FSTL5: variants seen among roughly 807,000 people sequenced by gnomAD.
FSTL5 encodes the protein follistatin like 5, also known as follistatin-related protein 5.
A neutral mutation model predicts 89.1 loss-of-function variants in FSTL5; 62 were observed. That is an observed-to-expected ratio of 0.70 (90% CI 0.57 to 0.86). FSTL5 has a LOEUF of 0.86. Ranked by LOEUF, FSTL5 falls within the 40% of genes least tolerant of loss-of-function variation. FSTL5 has a pLI of 0.00. For synonymous variants in FSTL5, 383 were observed against 346.2 expected, an observed-to-expected ratio of 1.11 and a Z score of -1.18; for missense variants, 1,057 against 1,001.6, an observed-to-expected ratio of 1.06 and a Z score of -0.75.
At chr4:161,622,814 T>C (rs569460583) in intron 7 of FSTL5, among the ~76,000 whole-genome samples, 26 of 152,226 alleles carry the variant, frequency 1.7e-4, no homozygotes, top group African/African-American at 6.0e-4. Flanking sequence ...TCCACATTAC[T>C]TAAACCTGAG....
At chr4:161,525,585 AT>A (rs1553994471) in intron 10 of FSTL5, among the ~76,000 whole-genome samples, 4 of 152,134 alleles carry the variant, frequency 2.6e-5, no homozygotes, top group African/African-American at 9.7e-5. Flanking sequence ...TTAAAAAAAA[AT>A]TTTTTTAAAA....
At chr4:161,475,996 G>GC (rs1244375846) in intron 13 of FSTL5, among the ~76,000 whole-genome samples, 1 of 151,726 alleles carries the variant, frequency 6.6e-6, no homozygotes, top group Non-Finnish European at 1.5e-5. Flanking sequence ...CTCGTGATCC[G>GC]CCCGCCTGGG....
chr4:161,968,810 C>CAA (rs1735397319), intron 3 of FSTL5, among the ~76,000 whole-genome samples: 1 of 152,018 alleles, frequency 6.6e-6, no homozygotes, highest in Non-Finnish European at 1.5e-5. Context: ...CAAATATGGT[C>CAA]ACTTTAGCCT....
At chr4:162,058,941 T>C (rs955292034) in intron 2 of FSTL5, among the ~76,000 whole-genome samples, 5 of 152,202 alleles carry the variant, frequency 3.3e-5, no homozygotes, top group Admixed American at 2.0e-4. Context: ...CATAATTGTA[T>C]TGAAAATGTG....
At chr4:161,689,130 T>C (rs140807606) in intron 6 of FSTL5, among the ~76,000 whole-genome samples, 39 of 152,062 alleles carry the variant, frequency 2.6e-4, no homozygotes, top group African/African-American at 9.2e-4. Context: ...AAGAGGGAGG[T>C]ACTATTTTGA....
chr4:161,810,336 A>C (rs2126838514), intron 4 of FSTL5, among the ~76,000 whole-genome samples: 1 of 152,292 alleles, frequency 6.6e-6, no homozygotes, highest in Non-Finnish European at 1.5e-5. Context: ...TAATATTTCA[A>C]GTTTTAAGGT....
chr4:161,507,920 A>C (rs954157476), intron 11 of FSTL5, among the ~76,000 whole-genome samples: 1 of 152,126 alleles, frequency 6.6e-6, no homozygotes, highest in South Asian at 2.1e-4. Flanking sequence ...AGTGACCTAC[A>C]TTCTAAGGTT....
intron 3 of FSTL5, among the ~76,000 whole-genome samples, chr4:161,959,962 AT>A (rs1317273416): frequency 1.3e-5 from 2 of 152,186 alleles, no homozygotes; most frequent in East Asian, 3.9e-4. Context: ...ATTTCAAAGC[AT>A]TTTCAGACCT....
At chr4:161,489,684 G>T (rs1012741415) in intron 12 of FSTL5, among the ~76,000 whole-genome samples, 2 of 151,980 alleles carry the variant, frequency 1.3e-5, no homozygotes, top group Admixed American at 6.6e-5. Context: ...TAAAACTAAA[G>T]AAAATAATTA....
At chr4:161,773,704 G>C (rs960618450) in intron 5 of FSTL5, among the ~76,000 whole-genome samples, 24 of 152,090 alleles carry the variant, frequency 1.6e-4, no homozygotes, top group African/African-American at 5.6e-4. Flanking sequence ...TGTTGATGTG[G>C]ATGTGGTCAA....
intron 1 of FSTL5, among the ~76,000 whole-genome samples, chr4:162,151,323 A>G (rs961617231): frequency 4.6e-5 from 7 of 152,156 alleles, no homozygotes; most frequent in African/African-American, 1.7e-4. Context: ...TATGTAAGGT[A>G]TATAAATATG....
intron 15 of FSTL5, among the ~76,000 whole-genome samples, chr4:161,427,142 A>G (rs1008048510): frequency 6.6e-6 from 1 of 152,200 alleles, no homozygotes; most frequent in Admixed American, 6.5e-5. Context: ...ATGTTAATAA[A>G]TTTCCTTAGA....
chr4:161,766,526 C>T (rs1741004464), intron 5 of FSTL5, among the ~76,000 whole-genome samples: 1 of 152,152 alleles, frequency 6.6e-6, no homozygotes, highest in Non-Finnish European at 1.5e-5. Flanking sequence ...TTGCTCTGCA[C>T]AGTTTCCAGT....
At chr4:161,582,405 G>T (rs112463575) in intron 8 of FSTL5, among the ~76,000 whole-genome samples, 32 of 152,128 alleles carry the variant, frequency 2.1e-4, no homozygotes, top group African/African-American at 7.5e-4. Context: ...GCATTTTCTC[G>T]CATTTTTGTT....
intron 8 of FSTL5, among the ~76,000 whole-genome samples, chr4:161,558,290 G>A (rs1223244412): frequency 6.6e-6 from 1 of 151,802 alleles, no homozygotes; most frequent in Non-Finnish European, 1.5e-5. Flanking sequence ...GGTGTCACTA[G>A]GGCTTTTGTG....
chr4:162,151,826 T>A (rs1733236852), intron 1 of FSTL5, among the ~76,000 whole-genome samples: 1 of 152,182 alleles, frequency 6.6e-6, no homozygotes, highest in Admixed American at 6.6e-5. Context: ...ATTTTGCATT[T>A]AAAAATACCT....
intron 12 of FSTL5, among the ~76,000 whole-genome samples, chr4:161,491,929 G>A (rs1729892644): frequency 6.6e-6 from 1 of 151,470 alleles, no homozygotes; most frequent in Admixed American, 6.6e-5. Context: ...AGGCAATATA[G>A]TTCTGCTGCC....
intron 15 of FSTL5, among the ~76,000 whole-genome samples, chr4:161,445,627 A>G (rs1245496885): frequency 6.6e-6 from 1 of 151,986 alleles, no homozygotes; most frequent in Non-Finnish European, 1.5e-5. Context: ...TTTATCTGTT[A>G]AAATTGATCT....
At chr4:162,031,421 T>C (rs1737517698) in intron 3 of FSTL5, among the ~76,000 whole-genome samples, 1 of 152,206 alleles carries the variant, frequency 6.6e-6, no homozygotes. Flanking sequence ...TCAGAATTTT[T>C]GTCATTTGCC....
Sources: gnomAD v4.1 joint callset for allele counts (sites outside exome capture counted in the v4.1 genomes callset) on GRCh38, gnomAD v4.1.1 for gene constraint, MANE v1.5 for transcripts, NCBI Gene and HGNC (gene_info 2026-07-23, HGNC 2026-07-21) for gene names.